Variants in PTGER3 observed in about 807,000 individuals in gnomAD.
The protein encoded by PTGER3 is prostaglandin E2 receptor EP3 subtype.
In PTGER3, 22 loss-of-function variants were observed where a neutral mutation model predicts 34.7. The observed-to-expected ratio is 0.63, with a 90% CI of 0.45 to 0.91. The LOEUF is 0.91. Among genes scored for constraint, PTGER3 ranks in the 40% least tolerant of loss-of-function variants. The pLI, the probability that PTGER3 is intolerant of heterozygous loss-of-function variation, is 0.00. For synonymous variants in PTGER3, 241 were observed against 230.1 expected (o/e 1.05, Z -0.43); for missense variants, 468 against 519.4 (o/e 0.90, Z 0.96).
At chr1:71,007,802 A>C (rs1657100805) in intron 2 of PTGER3, 1 of 984,940 alleles carries the variant, frequency 1.0e-6, no homozygotes, top group Non-Finnish European at 1.2e-6. Flanking sequence ...TACTTTAATT[A>C]AAGGATCAAA....
chr1:70,974,156 T>C, intron 3 of PTGER3, 141 bp downstream of exon 3: 3 of 1,257,052 alleles, frequency 2.4e-6, no homozygotes, highest in Non-Finnish European at 3.2e-6. Flanking sequence ...CTCTAAGGAA[T>C]CTAGCACTCT....
At chr1:70,881,215 G>A (rs1349107385) in intron 4 of PTGER3, among the ~76,000 whole-genome samples, 1 of 152,136 alleles carries the variant, frequency 6.6e-6, no homozygotes, top group Non-Finnish European at 1.5e-5. Flanking sequence ...GTTAATACTG[G>A]TTGTATTATG....
chr1:70,897,824 G>A (rs1357094338), intron 4 of PTGER3, among the ~76,000 whole-genome samples: 2 of 152,170 alleles, frequency 1.3e-5, no homozygotes, highest in African/African-American at 4.8e-5. Flanking sequence ...ATGCTGTGCT[G>A]TTATTGACTT....
chr1:70,909,231 A>C (rs1273900838), intron 4 of PTGER3, among the ~76,000 whole-genome samples: 1 of 152,198 alleles, frequency 6.6e-6, no homozygotes, highest in Admixed American at 6.5e-5. Flanking sequence ...ACCAAATTAC[A>C]CAGGCTTCCA....
exon 4 of PTGER3, chr1:70,952,853 C>T (rs1255048151): frequency 3.3e-6 from 5 of 1,518,236 alleles, no homozygotes; most frequent in African/African-American, 2.8e-5. Flanking sequence ...ACAAACTCAG[C>T]TGGAGGAGCT....
intron 4 of PTGER3, among the ~76,000 whole-genome samples, chr1:70,865,271 G>C (rs1646016169): frequency 6.6e-6 from 1 of 152,134 alleles, no homozygotes; most frequent in Non-Finnish European, 1.5e-5. Flanking sequence ...AAAAGCAGTA[G>C]GGGTGTGGTG....
chr1:71,035,891 C>T (rs1055021369), intron 1 of PTGER3, among the ~76,000 whole-genome samples: 3 of 152,194 alleles, frequency 2.0e-5, no homozygotes, highest in East Asian at 1.9e-4. Context: ...TTGTAAGACT[C>T]GTCATAAATG....
chr1:70,917,384 G>A (rs1647198164), intron 4 of PTGER3, among the ~76,000 whole-genome samples: 1 of 140,394 alleles, frequency 7.1e-6, no homozygotes, highest in Admixed American at 7.3e-5. Flanking sequence ...TCTGTTTTAT[G>A]GCTAAATAGT....
chr1:71,036,270 C>T (rs1323276982), intron 1 of PTGER3, among the ~76,000 whole-genome samples: 1 of 152,138 alleles, frequency 6.6e-6, no homozygotes. Context: ...CCTCTTCTCT[C>T]AAGATTTGAA....
At chr1:70,972,858 A>C (rs1369733404) in intron 3 of PTGER3, among the ~76,000 whole-genome samples, 2 of 152,146 alleles carry the variant, frequency 1.3e-5, no homozygotes, top group Admixed American at 1.3e-4. Context: ...CTAACATGAT[A>C]CTGAATTTTT....
intron 4 of PTGER3, among the ~76,000 whole-genome samples, chr1:70,926,715 A>G (rs699219): frequency 0.1 from 15,223 of 151,236 alleles, 849 homozygotes; most frequent in Non-Finnish European, 0.14. Context: ...TTCCAACACT[A>G]TGTTGAATAG....
intron 4 of PTGER3, among the ~76,000 whole-genome samples, chr1:70,921,291 C>A (rs1049632615): frequency 1.3e-5 from 2 of 152,060 alleles, no homozygotes; most frequent in East Asian, 3.9e-4. Context: ...GACAAGTGGC[C>A]GCCCGAACTT....
chr1:70,946,185 C>A (rs563391151), intron 4 of PTGER3, among the ~76,000 whole-genome samples: 2 of 152,162 alleles, frequency 1.3e-5, no homozygotes, highest in South Asian at 2.1e-4. Context: ...CCCAGCCCCA[C>A]CACATATCAC....
chr1:70,893,228 T>C (rs972621026), intron 4 of PTGER3, among the ~76,000 whole-genome samples: 2 of 152,166 alleles, frequency 1.3e-5, no homozygotes, highest in Non-Finnish European at 2.9e-5. Context: ...TAATAATCCA[T>C]GTGGGGTAGA....
chr1:71,008,261 T>C (rs1489786576), intron 2 of PTGER3: 10 of 917,426 alleles, frequency 1.1e-5, no homozygotes, highest in Non-Finnish European at 1.3e-5. Flanking sequence ...CTTCTGAAAA[T>C]AAGATAATTT....
Position 71,046,711 on chromosome 1 carries a change from G to T in PTGER3, c.867C>A (p.Cys289Ter). The T allele has an allele frequency of 6.3e-7, 1 of 1,584,426 alleles. No individual in the cohort carries two copies. Among genetic ancestry groups the T allele is most frequent in the Non-Finnish European group, 8.6e-7 (1 of 1,163,128 alleles). Residue 289 changes from cysteine to a stop codon, truncating the protein, a stop_gained, in exon 1 of 4, where the codon TGC (cysteine) becomes TGA (stop). Coordinates refer to ENST00000306666, the MANE Select transcript of PTGER3 (RefSeq NM_198719.2). LOFTEE classifies it high-confidence loss of function. ...ETAIQLMGIM[C>*]VLSVCWSPLL... ...GCGGAGACCAGCAGACCGACAGCACGCACATGATCCCCATAAGCTGAATGG... is the reference window on the plus strand; with the variant it reads ...GCGGAGACCAGCAGACCGACAGCACTCACATGATCCCCATAAGCTGAATGG...
intron 4 of PTGER3, among the ~76,000 whole-genome samples, chr1:70,912,939 C>T (rs1647092181): frequency 6.6e-6 from 1 of 151,814 alleles, no homozygotes; most frequent in Non-Finnish European, 1.5e-5. Flanking sequence ...AGTATAAGTC[C>T]TTCAATTTGG....
intron 4 of PTGER3, among the ~76,000 whole-genome samples, chr1:70,928,868 TACACAC>T (rs34765576): frequency 1.3e-4 from 19 of 147,266 alleles, no homozygotes; most frequent in Admixed American, 4.1e-4. Context: ...AATTTACAGA[TACACAC>T]ACACACACAC....
intron 2 of PTGER3, chr1:71,006,672 G>A (rs1306574251): frequency 1.0e-6 from 1 of 983,362 alleles, no homozygotes; most frequent in Non-Finnish European, 1.2e-6. Flanking sequence ...ACAATAATTT[G>A]TTATGCACAT....
Sources: allele counts gnomAD v4.1 joint callset (sites outside exome capture counted in the v4.1 genomes callset), GRCh38; gene constraint gnomAD v4.1.1; transcripts MANE v1.5; gene names NCBI Gene and HGNC (gene_info 2026-07-23, HGNC 2026-07-21).